Variants in POU6F2 observed in about 807,000 individuals in gnomAD.
POU6F2 encodes POU class 6 homeobox 2.
A neutral mutation model predicts 71.3 loss-of-function variants in POU6F2; 31 were observed. That is an observed-to-expected ratio of 0.43 (90% CI 0.33 to 0.59). The LOEUF is 0.59. Among genes scored for constraint, POU6F2 ranks in the 20% least tolerant of loss-of-function variants. POU6F2 has a pLI of 0.04. For synonymous variants in POU6F2, 347 were observed against 355.7 expected, an observed-to-expected ratio of 0.98 and a Z score of 0.27; for missense variants, 783 against 856.8, an observed-to-expected ratio of 0.91 and a Z score of 1.07.
intron 1 of POU6F2, among the ~76,000 whole-genome samples, chr7:39,078,418 G>A (rs1429336776): frequency 1.3e-5 from 2 of 152,124 alleles, no homozygotes; most frequent in African/African-American, 4.8e-5. Flanking sequence ...TTTTGAATAT[G>A]ACTAATTTAA....
chr7:39,112,393 G>T (rs1389569698), intron 2 of POU6F2, among the ~76,000 whole-genome samples: 1 of 152,130 alleles, frequency 6.6e-6, no homozygotes. Flanking sequence ...AAAACTTTAT[G>T]ATCTATTAAC....
chr7:38,978,638 C>A (rs968603510), intron 1 of POU6F2, among the ~76,000 whole-genome samples: 1 of 152,168 alleles, frequency 6.6e-6, no homozygotes, highest in East Asian at 1.9e-4. Flanking sequence ...TAAACACTGT[C>A]ACAATCTTGA....
At chr7:39,457,184 A>G (rs1002453563) in intron 8 of POU6F2, among the ~76,000 whole-genome samples, 22 of 152,198 alleles carry the variant, frequency 1.4e-4, no homozygotes, top group Admixed American at 1.4e-3. Context: ...TAGAGGACAC[A>G]TTTACATAAA....
At chr7:39,390,226 T>C (rs1012445381) in intron 5 of POU6F2, among the ~76,000 whole-genome samples, 1 of 152,038 alleles carries the variant, frequency 6.6e-6, no homozygotes. Context: ...TGAAACCCCA[T>C]CTCTACTAAA....
At chr7:39,071,915 T>G (rs1302491020) in intron 1 of POU6F2, among the ~76,000 whole-genome samples, 1 of 152,144 alleles carries the variant, frequency 6.6e-6, no homozygotes, top group African/African-American at 2.4e-5. Flanking sequence ...TCTTGCTGAT[T>G]TACTTTAACG....
At chr7:39,063,873 A>G (rs1790705124) in intron 1 of POU6F2, among the ~76,000 whole-genome samples, 1 of 152,168 alleles carries the variant, frequency 6.6e-6, no homozygotes, top group Non-Finnish European at 1.5e-5. Flanking sequence ...TCTCAATAGA[A>G]TTTTGAGCCA....
chr7:39,021,793 G>A (rs1789685230), intron 1 of POU6F2, among the ~76,000 whole-genome samples: 1 of 151,964 alleles, frequency 6.6e-6, no homozygotes, highest in African/African-American at 2.4e-5. Context: ...TAAAATTCCA[G>A]GGAATTAGTT....
chr7:39,336,273 A>G (rs1785775662), intron 4 of POU6F2, among the ~76,000 whole-genome samples: 1 of 152,168 alleles, frequency 6.6e-6, no homozygotes, highest in African/African-American at 2.4e-5. Context: ...TCTTCACCTT[A>G]AAAGGAAACT....
chr7:39,115,620 T>C (rs1791912396), intron 2 of POU6F2, among the ~76,000 whole-genome samples: 1 of 152,180 alleles, frequency 6.6e-6, no homozygotes, highest in Non-Finnish European at 1.5e-5. Context: ...TTTACTGACA[T>C]ATTACTGAGA....
chr7:39,043,495 G>A (rs913890195), intron 1 of POU6F2, among the ~76,000 whole-genome samples: 12 of 151,916 alleles, frequency 7.9e-5, no homozygotes, highest in African/African-American at 2.7e-4. Context: ...CAGTAATGGG[G>A]CATCAAACAG....
intron 1 of POU6F2, among the ~76,000 whole-genome samples, chr7:39,023,931 T>A (rs1236787477): frequency 6.6e-6 from 1 of 152,116 alleles, no homozygotes; most frequent in Non-Finnish European, 1.5e-5. Flanking sequence ...ACACTAAAAC[T>A]TCTTTTGAGT....
intron 4 of POU6F2, among the ~76,000 whole-genome samples, chr7:39,276,417 G>A (rs1441770511): frequency 3.3e-5 from 5 of 152,032 alleles, no homozygotes; most frequent in Admixed American, 3.3e-4. Flanking sequence ...TGCTGGAGGG[G>A]ATGTGGAGAA....
chr7:39,433,055 C>T (rs1228986036), intron 6 of POU6F2, 22 bp from the exon 7 acceptor site: 1 of 1,611,262 alleles, frequency 6.2e-7, no homozygotes, highest in South Asian at 1.1e-5. Context: ...GCCAGCTCCT[C>T]ACCTTTGGCC....
intron 1 of POU6F2, among the ~76,000 whole-genome samples, chr7:38,981,325 C>T (rs1331070454): frequency 1.3e-5 from 2 of 152,052 alleles, no homozygotes; most frequent in African/African-American, 2.4e-5. Context: ...ATCAGTACTG[C>T]GGACCTCCTG....
intron 9 of POU6F2, among the ~76,000 whole-genome samples, chr7:39,463,666 G>A (rs1312165549): frequency 2.8e-4 from 43 of 152,142 alleles, no homozygotes; most frequent in Non-Finnish European, 5.9e-5. Flanking sequence ...AGTCCCAATG[G>A]CCATCAGTGA....
At chr7:39,089,673 A>G (rs1791322879) in intron 2 of POU6F2, among the ~76,000 whole-genome samples, 1 of 152,250 alleles carries the variant, frequency 6.6e-6, no homozygotes, top group Non-Finnish European at 1.5e-5. Flanking sequence ...AAATGGTAGC[A>G]TCAACAACTT....
chr7:39,163,550 G>A (rs935314291), intron 2 of POU6F2, among the ~76,000 whole-genome samples: 3 of 152,178 alleles, frequency 2.0e-5, no homozygotes, highest in Non-Finnish European at 4.4e-5. Flanking sequence ...TGCGTCAATA[G>A]TGTTTGGACA....
intron 4 of POU6F2, among the ~76,000 whole-genome samples, chr7:39,250,667 C>T (rs910670322): frequency 2.6e-5 from 4 of 152,152 alleles, no homozygotes; most frequent in Non-Finnish European, 5.9e-5. Flanking sequence ...GCTGATAGCA[C>T]CTTAATCCCA....
chr7:39,072,353 C>T (rs1790901929), intron 1 of POU6F2, among the ~76,000 whole-genome samples: 1 of 152,134 alleles, frequency 6.6e-6, no homozygotes, highest in South Asian at 2.1e-4. Context: ...ATTCAGTCAG[C>T]ATTGAGTTGT....
Sources: allele counts gnomAD v4.1 joint callset (sites outside exome capture counted in the v4.1 genomes callset), GRCh38; gene constraint gnomAD v4.1.1; transcripts MANE v1.5; gene names NCBI Gene and HGNC (gene_info 2026-07-23, HGNC 2026-07-21).